IKBKE: variants seen among roughly 807,000 people sequenced by gnomAD.
The protein encoded by IKBKE is inhibitor of nuclear factor kappa B kinase subunit epsilon.
Under a neutral mutation model 92.1 loss-of-function variants are expected in IKBKE, and 45 were observed. That is an observed-to-expected ratio of 0.49 (90% CI 0.38 to 0.63). The LOEUF (loss-of-function observed/expected upper bound fraction) is 0.63, where lower values mean the gene tolerates loss of function less well. Ranked by LOEUF, IKBKE falls within the 20% of genes least tolerant of loss-of-function variation. The pLI is 0.00. For missense variants in IKBKE, 700 were observed against 932.8 expected, an observed-to-expected ratio of 0.75 and a Z score of 3.25; for synonymous variants, 374 against 380.3, an observed-to-expected ratio of 0.98 and a Z score of 0.19.
At position 206,476,096 on chromosome 1, in the gene IKBKE, A is replaced by G; in HGVS notation, c.359-85A>G. ...GGGAACTCCTGTCTCTCTGGATGCAAGGACAGCCTTCCCACCAAGATGAGC... is the reference window on the plus strand; with the variant it reads ...GGGAACTCCTGTCTCTCTGGATGCAGGGACAGCCTTCCCACCAAGATGAGC... On this transcript the variant is annotated intron_variant, in intron 5 of 21. Transcript: ENST00000581977. The surrounding 1 kb of genome is among the most constrained non-coding windows in gnomAD (Gnocchi z 5.1). 2.2e-6 allele frequency: 3 copies of G among 1,338,426 alleles called. No homozygotes were observed. The highest frequency in any genetic ancestry group is 3.2e-6 in the Non-Finnish European group (3 of 949,486). 82.9% of individuals were successfully genotyped at this position (1,338,426 alleles called of 1,614,324 possible).
At chr1:206,472,127 A>G (rs1664807964) in intron 2 of IKBKE, among the ~76,000 whole-genome samples, 1 of 152,130 alleles carries the variant, frequency 6.6e-6, no homozygotes, top group African/African-American at 2.4e-5. Context: ...GTGCACACCT[A>G]TGGTCCTAAG....
Position 206,478,901 on chromosome 1 carries a change from T to TG in IKBKE, c.993-41dup. On this transcript the variant is annotated intron_variant, in intron 9 of 21. Coordinates refer to ENST00000581977, the MANE Select transcript of IKBKE (RefSeq NM_014002.4). The surrounding 1 kb of genome is among the most constrained non-coding windows in gnomAD (Gnocchi z 4.8). Reference sequence around the variant, plus strand: ...CACCCTAGCCCCCTGCCTTGCCTACTGACACCCCCTGCCCTCTGCTCCCCA... The same window carrying TG: ...CACCCTAGCCCCCTGCCTTGCCTACTGGACACCCCCTGCCCTCTGCTCCCCA... 6.4e-7 allele frequency: 1 copy of TG among 1,554,650 alleles called. No homozygotes were observed. The highest frequency in any genetic ancestry group is 8.9e-7 in the Non-Finnish European group (1 of 1,126,302).
In IKBKE at chr1:206,475,737, CA is replaced by C. The variant is rs535787711; in HGVS notation, c.359-428del. Among the ~76,000 whole-genome samples the C allele has an allele frequency of 2.1e-3, 192 of 92,654 alleles. 1 individual carries two copies. The highest frequency in any genetic ancestry group is 0.013 in the Middle Eastern group (2 of 150). The allele number at this position is 92,654 out of a possible 152,430, so 60.8% of individuals were successfully genotyped here. A position where few individuals can be genotyped will look rare whatever the true frequency, so the allele number is the denominator to read the frequency against. On this transcript the variant is annotated intron_variant, in intron 5 of 21. Coordinates refer to ENST00000581977, the MANE Select transcript of IKBKE (RefSeq NM_014002.4). ...ATGTGTCAGAGTGAGACTCTGTCTC[CA>C]AAAAAAAAAAAAAAATTGGAGAATG...
intron 13 of IKBKE, among the ~76,000 whole-genome samples, chr1:206,482,165 C>G (rs913792017): frequency 2.6e-5 from 4 of 151,802 alleles, no homozygotes; most frequent in Admixed American, 6.6e-5. Flanking sequence ...GGGCCCTGTT[C>G]GGGGGAAAGG....
chr1:206,482,051 T>C (rs1443461618), intron 13 of IKBKE, among the ~76,000 whole-genome samples: 2 of 152,058 alleles, frequency 1.3e-5, no homozygotes, highest in African/African-American at 4.8e-5. Context: ...AGTGCTGGGA[T>C]TACAGGCGTG....
chr1:206,490,942 G>T lies in IKBKE; in HGVS notation c.1733+84G>T, dbSNP rs1206851964. On this transcript the variant is annotated intron_variant, in intron 17 of 21. Transcript: ENST00000581977. This position sits in a 1 kb window ranked among gnomAD's most constrained non-coding sequence, Gnocchi z 5.2. ...AGCGATTCTCAACGCCAGAGGAGAGGCAGTGAAGGGCCCTGTCCCGGACTG... is the reference window on the plus strand; with the variant it reads ...AGCGATTCTCAACGCCAGAGGAGAGTCAGTGAAGGGCCCTGTCCCGGACTG... 6.4e-6 allele frequency: 8 copies of T among 1,254,432 alleles called. No homozygotes were observed. In the Admixed American group the frequency reaches 1.3e-4, roughly 21 times the overall value. 77.7% of individuals were successfully genotyped at this position (1,254,432 alleles called of 1,614,324 possible). A position where few individuals can be genotyped will look rare whatever the true frequency, so the allele number is the denominator to read the frequency against.
chr1:206,472,587 TCACACA>T (rs57402838), intron 2 of IKBKE, among the ~76,000 whole-genome samples: 12 of 149,982 alleles, frequency 8.0e-5, no homozygotes, highest in African/African-American at 2.7e-4. Context: ...ACACACACTC[TCACACA>T]CACACACACA....
At chr1:206,477,039 CTG>C (rs1396527435) in intron 7 of IKBKE, among the ~76,000 whole-genome samples, 3 of 152,220 alleles carry the variant, frequency 2.0e-5, no homozygotes, top group Non-Finnish European at 4.4e-5. Context: ...TGATGGGAGT[CTG>C]TGAATATGCT....
At chr1:206,493,203 C>T in intron 19 of IKBKE, 63 bp from the exon 20 acceptor site, 2 of 1,559,216 alleles carry the variant, frequency 1.3e-6, no homozygotes, top group Non-Finnish European at 1.8e-6. Context: ...CTCCAGCACT[C>T]CCCCTACCCA....
At chr1:206,480,356 A>G in intron 12 of IKBKE, 91 bp from the exon 13 acceptor site, 5 of 1,103,074 alleles carry the variant, frequency 4.5e-6, no homozygotes, top group Non-Finnish European at 6.8e-6. Flanking sequence ...GGCCGGCAGG[A>G]GGTGGAGGCC....
At chr1:206,474,746 C>A in intron 4 of IKBKE, 119 bp from the exon 5 acceptor site, 1 of 1,268,422 alleles carries the variant, frequency 7.9e-7, no homozygotes, top group Non-Finnish European at 1.1e-6. Flanking sequence ...GAGGGAAGGC[C>A]AGGCCAGAAG....
rs1409863141 is a variant in IKBKE, at chr1:206,476,340, T to C, written c.518T>C (p.Val173Ala). ...GATGATGATGAGAAGTTCGTCTCGGTCTATGGGACTGAGGAGTACCTGGTG... is the reference window on the plus strand; with the variant it reads ...GATGATGATGAGAAGTTCGTCTCGGCCTATGGGACTGAGGAGTACCTGGTG... ...ELDDDEKFVS[V>A]YGTEEYLHPD... The change falls in exon 6 of 22, where the codon GTC (valine) becomes GCC (alanine). Residue 173 changes from valine (V) to alanine (A), a missense_variant. Physicochemically the swap from Val to Ala is moderately conservative, Grantham distance 64 (BLOSUM62 0). Transcript: ENST00000581977. The surrounding 1 kb of genome is among the most constrained non-coding windows in gnomAD (Gnocchi z 5.1). The C allele has an allele frequency of 6.2e-7, 1 of 1,612,798 alleles. No homozygotes were observed. The highest frequency in any genetic ancestry group is 1.3e-5 in the African/African-American group (1 of 74,846).
At chr1:206,486,151 G>T (rs1553388607) in intron 15 of IKBKE, among the ~76,000 whole-genome samples, 2 of 152,280 alleles carry the variant, frequency 1.3e-5, no homozygotes. Context: ...GAATGTTCTT[G>T]TGGTTCTTTG....
intron 15 of IKBKE, among the ~76,000 whole-genome samples, chr1:206,486,827 C>CT (rs1665691102): frequency 6.6e-6 from 1 of 150,392 alleles, no homozygotes; most frequent in African/African-American, 2.5e-5. Flanking sequence ...GGCTGTGGAT[C>CT]GAGGCCCCGT....
At chr1:206,492,710 C>T (rs981441749) in intron 18 of IKBKE, 10 of 541,574 alleles carry the variant, frequency 1.8e-5, no homozygotes, top group African/African-American at 1.3e-4. Context: ...TATCCTCTGC[C>T]TCTCTGCAGC....
intron 21 of IKBKE, among the ~76,000 whole-genome samples, chr1:206,494,499 T>C (rs566606257): frequency 2.0e-5 from 3 of 151,862 alleles, no homozygotes; most frequent in African/African-American, 4.8e-5. Context: ...ACTCCCCTCC[T>C]TGGGGTGCTG....
In IKBKE at chr1:206,475,112, A is replaced by G; in HGVS notation, c.358+118A>G. Reference sequence around the variant, plus strand: ...CATTCCATTTAAAATTCCAACTTAAAAATTAAACCTAAAAAAGATTGTACA... The same window carrying G: ...CATTCCATTTAAAATTCCAACTTAAGAATTAAACCTAAAAAAGATTGTACA... On this transcript the variant is annotated intron_variant, in intron 5 of 21. Transcript: ENST00000581977. 3.6e-6 allele frequency: 4 copies of G among 1,118,488 alleles called. No homozygotes were observed. The South Asian group carries it at 6.4e-5, about 18-fold the overall frequency. The allele number at this position is 1,118,488 out of a possible 1,614,324, so 69.3% of individuals were successfully genotyped here.
At position 206,485,299 on chromosome 1, in the gene IKBKE, G is replaced by A. The variant is rs2103472794; in HGVS notation, c.1609G>A (p.Asp537Asn). The A allele has an allele frequency of 1.2e-6, 2 of 1,602,144 alleles. No individual in the cohort carries two copies. Among genetic ancestry groups the A allele is most frequent in the East Asian group, 2.2e-5 (1 of 44,824 alleles). Reference sequence around the variant, plus strand: ...GAAGAGCCGGGATCAGGTACATGAGGACAGAAGGTCTGTGGGATTTTCCTT... The same window carrying A: ...GAAGAGCCGGGATCAGGTACATGAGAACAGAAGGTCTGTGGGATTTTCCTT... The part of the protein sequence containing the change: ...LVKSRDQVHE[D>N]RSIQQIQCCL... The change falls in exon 15 of 22, where the codon GAC becomes AAC. Residue 537 changes from aspartate to asparagine, a missense_variant. Physicochemically the swap from Asp to Asn is conservative, Grantham distance 23. Transcript: ENST00000581977. The surrounding 1 kb of genome is among the most constrained non-coding windows in gnomAD (Gnocchi z 5.0).
chr1:206,479,247 C>T, intron 10 of IKBKE, 114 bp downstream of exon 10: 1 of 863,230 alleles, frequency 1.2e-6, no homozygotes, highest in Non-Finnish European at 1.7e-6. Context: ...TTTGGGGCCA[C>T]AGGGAGCAGG....
Sources: gnomAD v4.1 joint callset for allele counts (sites outside exome capture counted in the v4.1 genomes callset) on GRCh38, gnomAD v4.1.1 for gene constraint, Gnocchi (gnomAD v3.1) non-coding constraint, MANE v1.5 for transcripts, NCBI Gene and HGNC (gene_info 2026-07-23, HGNC 2026-07-21) for gene names.